Variants in ANKRD27 observed in about 807,000 individuals in gnomAD.
ANKRD27 encodes ankyrin repeat domain-containing protein 27.
A neutral mutation model predicts 129.7 loss-of-function variants in ANKRD27; 112 were observed. That is an observed-to-expected ratio of 0.86 (90% CI 0.74 to 1.01). ANKRD27 has a LOEUF of 1.01. Ranked by LOEUF, ANKRD27 falls within the 50% of genes least tolerant of loss-of-function variation. ANKRD27 has a pLI of 0.00. For synonymous variants in ANKRD27, 516 were observed against 511.2 expected (o/e 1.01, Z -0.13); for missense variants, 1,258 against 1,300.5 (o/e 0.97, Z 0.50).
intron 22 of ANKRD27, 99 bp from the exon 23 acceptor site, chr19:32,607,931 A>C: frequency 3.5e-5 from 41 of 1,163,818 alleles, no homozygotes; most frequent in Non-Finnish European, 4.7e-5. Context: ...CCCACACACA[A>C]TGCGGGATCA....
intron 2 of ANKRD27, among the ~76,000 whole-genome samples, chr19:32,654,512 C>A (rs539004834): frequency 6.6e-6 from 1 of 152,276 alleles, no homozygotes; most frequent in East Asian, 1.9e-4. Context: ...AGGTAGAGCA[C>A]AACTGCGGAC....
intron 3 of ANKRD27, among the ~76,000 whole-genome samples, chr19:32,648,591 G>A (rs1393579468): frequency 1.3e-5 from 2 of 152,134 alleles, no homozygotes; most frequent in Non-Finnish European, 2.9e-5. Flanking sequence ...ATGAGGTGAG[G>A]AGATCGAGAC....
At chr19:32,650,734 T>TAAAAAAAAAAAAAAAA in intron 2 of ANKRD27, among the ~76,000 whole-genome samples, 1 of 148,802 alleles carries the variant, frequency 6.7e-6, no homozygotes, top group African/African-American at 2.5e-5. Context: ...CCTTCTATTC[T>TAAAAAAAAAAAAAAAA]TTTCTTTACG....
intron 11 of ANKRD27, 54 bp from the exon 12 acceptor site, chr19:32,639,542 C>CA (rs1045321358): frequency 6.1e-5 from 95 of 1,563,278 alleles, no homozygotes; most frequent in East Asian, 1.4e-4. Context: ...CACACTTCTG[C>CA]AAAAAAAATA....
chr19:32,637,123 T>A (rs1462797239), intron 12 of ANKRD27, among the ~76,000 whole-genome samples: 2 of 152,178 alleles, frequency 1.3e-5, no homozygotes, highest in Non-Finnish European at 2.9e-5. Context: ...AACGTGTCAA[T>A]AACGAATGAA....
At chr19:32,631,821 C>T (rs970966266) in intron 12 of ANKRD27, among the ~76,000 whole-genome samples, 2 of 152,332 alleles carry the variant, frequency 1.3e-5, no homozygotes, top group Non-Finnish European at 1.5e-5. Context: ...ACTCACATTG[C>T]CGTGGCCTCC....
At chr19:32,632,313 C>T (rs376655482) in intron 12 of ANKRD27, among the ~76,000 whole-genome samples, 22 of 150,990 alleles carry the variant, frequency 1.5e-4, no homozygotes, top group East Asian at 1.2e-3. Flanking sequence ...AGGCCAGGCG[C>T]GGTGGCTCAT....
At chr19:32,638,503 T>C (rs889461110) in intron 12 of ANKRD27, 1 of 152,254 alleles carries the variant, frequency 6.6e-6, no homozygotes, top group African/African-American at 2.4e-5. Flanking sequence ...CTGAAAGAGC[T>C]GTAACATAAA....
Position 32,646,601 on chromosome 19 carries a change from T to C in ANKRD27, c.228A>G (p.Gln76=). The change falls in exon 4 of 29, where the codon CAA becomes CAG. Residue 76 remains glutamine (Q), a synonymous_variant. Coordinates refer to ENST00000306065, the MANE Select transcript of ANKRD27 (RefSeq NM_032139.3). ...QTLNGKDVFI[Q]GNRIKLGAGF... ...CAGCTCCTAATTTAATCCTGTTCCC[T>C]TGAATAAAGACATCCTGGAAACAAG... The C allele has an allele frequency of 6.2e-7, 1 of 1,612,670 alleles. No homozygotes were observed. Among genetic ancestry groups the C allele is most frequent in the South Asian group, 1.1e-5 (1 of 90,974 alleles).
intron 1 of ANKRD27, among the ~76,000 whole-genome samples, chr19:32,663,174 C>T (rs1365220610): frequency 6.6e-6 from 1 of 152,186 alleles, no homozygotes; most frequent in Non-Finnish European, 1.5e-5. Context: ...GATCCCAATG[C>T]TATGAAGAAG....
At chr19:32,629,107 C>T (rs1234659784) in intron 13 of ANKRD27, among the ~76,000 whole-genome samples, 1 of 152,056 alleles carries the variant, frequency 6.6e-6, no homozygotes, top group East Asian at 1.9e-4. Flanking sequence ...TTTTAGTAGA[C>T]ACGGGGTTTT....
At chr19:32,601,694 A>G (rs1302862616) in intron 26 of ANKRD27, among the ~76,000 whole-genome samples, 1 of 152,100 alleles carries the variant, frequency 6.6e-6, no homozygotes, top group African/African-American at 2.4e-5. Flanking sequence ...TGACTTTGGA[A>G]CATGAGGCAT....
chr19:32,649,567 GTCAAATGCCA>G, intron 3 of ANKRD27, 105 bp downstream of exon 3: 1 of 773,582 alleles, frequency 1.3e-6, no homozygotes, highest in East Asian at 2.5e-5. Context: ...TGCAGTGTGT[GTCAAATGCCA>G]CCATTGCCAG....
chr19:32,603,631 T>C (rs1971685475), intron 25 of ANKRD27, among the ~76,000 whole-genome samples: 1 of 152,166 alleles, frequency 6.6e-6, no homozygotes, highest in African/African-American at 2.4e-5. Context: ...CTTGACCTCC[T>C]GGGCTCAAGC....
intron 12 of ANKRD27, among the ~76,000 whole-genome samples, chr19:32,633,743 C>A (rs1737157122): frequency 6.6e-6 from 1 of 151,906 alleles, no homozygotes; most frequent in Admixed American, 6.6e-5. Flanking sequence ...GAATGTTGAG[C>A]AGGTGTGGTG....
chr19:32,598,919 GC>G (rs1464797752), intron 28 of ANKRD27, among the ~76,000 whole-genome samples: 1 of 152,200 alleles, frequency 6.6e-6, no homozygotes, highest in African/African-American at 2.4e-5. Flanking sequence ...AACAAGGAAA[GC>G]TGTGGTTCTG....
chr19:32,604,046 A>T (rs1971692434), intron 25 of ANKRD27, among the ~76,000 whole-genome samples: 1 of 152,190 alleles, frequency 6.6e-6, no homozygotes, highest in Non-Finnish European at 1.5e-5. Context: ...ACCACCTGTG[A>T]AAAGAATGAT....
chr19:32,671,875 G>A (rs1005647269), intron 1 of ANKRD27, among the ~76,000 whole-genome samples: 1 of 152,226 alleles, frequency 6.6e-6, no homozygotes, highest in East Asian at 1.9e-4. Context: ...TGAGTTAGCT[G>A]GAGATACCAA....
chr19:32,642,206 ATC>A, intron 9 of ANKRD27, 61 bp from the exon 10 acceptor site: 2 of 1,434,170 alleles, frequency 1.4e-6, no homozygotes, highest in Admixed American at 2.4e-5. Flanking sequence ...TCTGGCCTGG[ATC>A]TAAGAACACA....
Sources: gnomAD v4.1 joint callset for allele counts (sites outside exome capture counted in the v4.1 genomes callset) on GRCh38, gnomAD v4.1.1 for gene constraint, MANE v1.5 for transcripts, NCBI Gene and HGNC (gene_info 2026-07-23, HGNC 2026-07-21) for gene names.